The following SPATS2L variants were observed in gnomAD, a reference collection of about 807,000 sequenced individuals.
SPATS2L encodes the protein spermatogenesis associated serine rich 2 like.
Under a neutral mutation model 59.6 loss-of-function variants are expected in SPATS2L, and 30 were observed. The observed-to-expected ratio is 0.50, with a 90% CI of 0.38 to 0.68. SPATS2L has a LOEUF of 0.68. Ranked by LOEUF, SPATS2L falls within the 30% of genes least tolerant of loss-of-function variation. The pLI is 0.00. For synonymous variants in SPATS2L, 252 were observed against 263.5 expected, an observed-to-expected ratio of 0.96 and a Z score of 0.42; for missense variants, 615 against 700.0, an observed-to-expected ratio of 0.88 and a Z score of 1.37.
At chr2:200,451,722 T>A (rs184342952) in intron 8 of SPATS2L, among the ~76,000 whole-genome samples, 151 of 152,288 alleles carry the variant, frequency 9.9e-4, no homozygotes, top group African/African-American at 3.6e-3. Flanking sequence ...TTCTGGCACT[T>A]CTTGTACTAT....
chr2:200,378,628 GTT>G, intron 2 of SPATS2L, among the ~76,000 whole-genome samples: 1 of 152,326 alleles, frequency 6.6e-6, no homozygotes, highest in African/African-American at 2.4e-5. Context: ...ATTATTAAAT[GTT>G]TACTAGGAGT....
At position 200,419,561 on chromosome 2, in the gene SPATS2L, T is replaced by C. The variant is rs201180713; in HGVS notation, c.445+65T>C. The C allele has an allele frequency of 2.2e-5, 35 of 1,560,506 alleles. No individual in the cohort carries two copies. The East Asian group carries it at 4.3e-4, about 19-fold the overall frequency. ...ATGAAAAGAGCACAAAGGGAGCTCA[T>C]TGGGGCTGCTGTTGATGTTGTTGAA... On this transcript the variant is annotated intron_variant, in intron 6 of 12. Transcript: ENST00000409140.
chr2:200,393,514 T>C (rs1485847743), intron 3 of SPATS2L, among the ~76,000 whole-genome samples: 2 of 152,206 alleles, frequency 1.3e-5, no homozygotes, highest in African/African-American at 4.8e-5. Flanking sequence ...GTTGGCACTA[T>C]TTTGAAAGAG....
chr2:200,306,741 C>T lies in SPATS2L; in HGVS notation c.-254C>T. 1.0e-6 allele frequency: 1 copy of T among 953,918 alleles called. No individual in the cohort carries two copies. The highest frequency in any genetic ancestry group is 5.1e-5 in the South Asian group (1 of 19,524). The allele number at this position is 953,918 out of a possible 1,614,324, so 59.1% of individuals were successfully genotyped here. On this transcript the variant is annotated 5_prime_UTR_variant, in exon 1 of 13. Transcript: ENST00000409140. ...GTCCGGGGGCCGAGCTGGCTGCGCC[C>T]TCCGCTGCAAGCGCCGGCAGCGCGG...
chr2:200,371,551 A>T (rs1486235350), intron 2 of SPATS2L, among the ~76,000 whole-genome samples: 8 of 152,176 alleles, frequency 5.3e-5, no homozygotes, highest in Admixed American at 1.3e-4. Context: ...TGACTGCGGG[A>T]TTAACTTACA....
At chr2:200,306,352 A>G (rs2079010088), upstream of SPATS2L, 5 of 1,002,200 alleles carry the variant, frequency 5.0e-6, no homozygotes, top group South Asian at 1.9e-4. Context: ...TTCATTAACA[A>G]GGGGAGTTTC....
At chr2:200,425,239 C>G (rs2083500397) in intron 6 of SPATS2L, among the ~76,000 whole-genome samples, 1 of 150,456 alleles carries the variant, frequency 6.6e-6, no homozygotes, top group South Asian at 2.1e-4. Flanking sequence ...GTTGTTCAAG[C>G]AGATTTTTTT....
chr2:200,454,379 A>G (rs1399832649), intron 8 of SPATS2L, among the ~76,000 whole-genome samples: 2 of 152,190 alleles, frequency 1.3e-5, no homozygotes, highest in Non-Finnish European at 2.9e-5. Context: ...CCAAGCTTCC[A>G]AATGAATCAA....
chr2:200,361,059 A>C (rs954219034), intron 2 of SPATS2L, among the ~76,000 whole-genome samples: 42 of 135,974 alleles, frequency 3.1e-4, no homozygotes, highest in South Asian at 5.1e-4. Context: ...TTCTAGCTCC[A>C]CCCCACTATT....
At chr2:200,356,260 G>T (rs533744372) in intron 2 of SPATS2L, among the ~76,000 whole-genome samples, 16 of 152,246 alleles carry the variant, frequency 1.1e-4, no homozygotes, top group Non-Finnish European at 1.9e-4. Flanking sequence ...AACTGAAAAT[G>T]ATAAACATGC....
In SPATS2L at chr2:200,361,088, CA is replaced by C. The variant is rs1384614489; in HGVS notation, c.-22-28134del. The stretch of plus-strand genomic sequence containing the variant: ...CACTATTCCCCACCCCACCCCCCCA[CA>C]CACACACATCCCTACACAGATACAC... On this transcript the variant is annotated intron_variant, in intron 2 of 12. Coordinates refer to ENST00000409140, the MANE Select transcript of SPATS2L (RefSeq NM_001100423.2). Among the ~76,000 whole-genome samples the C allele has an allele frequency of 2.4e-4, 22 of 93,158 alleles. No individual in the cohort carries two copies. In the African/African-American group the frequency reaches 2.5e-3, roughly 10 times the overall value. 61.1% of individuals were successfully genotyped at this position (93,158 alleles called of 152,430 possible).
Position 200,316,148 on chromosome 2 carries a change from G to T in SPATS2L, c.-73+9226G>T, listed in dbSNP as rs139969747. Among the ~76,000 whole-genome samples the T allele has an allele frequency of 2.7e-4, 41 of 152,242 alleles. No individual in the cohort carries two copies. In the East Asian group the frequency reaches 7.1e-3, roughly 27 times the overall value. ...AGGAAGGGGAACCCTCCTGGAAGAG[G>T]TGATGGGAAGAAACTGTGACTATAA... On this transcript the variant is annotated intron_variant, in intron 1 of 12. Transcript: ENST00000409140.
intron 3 of SPATS2L, among the ~76,000 whole-genome samples, chr2:200,405,835 C>T (rs1004660229): frequency 4.6e-5 from 7 of 152,170 alleles, no homozygotes; most frequent in Admixed American, 3.9e-4. Flanking sequence ...AGGTTAAGCT[C>T]ACCTCCAAGA....
At chr2:200,358,422 G>C (rs530863879) in intron 2 of SPATS2L, among the ~76,000 whole-genome samples, 2 of 152,222 alleles carry the variant, frequency 1.3e-5, no homozygotes, top group South Asian at 4.1e-4. Context: ...AATTATCTTA[G>C]AGCTAAATTC....
chr2:200,423,708 C>T (rs956372288), intron 6 of SPATS2L, among the ~76,000 whole-genome samples: 2 of 152,180 alleles, frequency 1.3e-5, no homozygotes, highest in Non-Finnish European at 2.9e-5. Context: ...TAAAAGAAAT[C>T]GCCAGGCTAC....
At position 200,341,622 on chromosome 2, in the gene SPATS2L, C is replaced by A. The variant is rs545890004; in HGVS notation, c.-23+12142C>A. ...AACCACAGGAAGACCTCAGGTTTCA[C>A]AATGAAAGGGATCCTTTCCAAAATG... On this transcript the variant is annotated intron_variant, in intron 2 of 12. Transcript: ENST00000409140. Among the ~76,000 whole-genome samples, 4 of 150,976 alleles carry A rather than the reference C, an allele frequency of 2.6e-5. No individual in the cohort carries two copies. In the East Asian group the frequency reaches 5.8e-4, roughly 22 times the overall value.
rs1415018289 is a variant in SPATS2L at position 200,398,703 on chromosome 2, T to G, written c.39+9420T>G. ...GATGAACTCCAAAATCCTTTGCAGC[T>G]CTATCATTGGATGAACCTGTGGTCT... On this transcript the variant is annotated intron_variant, in intron 3 of 12. Coordinates refer to ENST00000409140, the MANE Select transcript of SPATS2L (RefSeq NM_001100423.2). Among the ~76,000 whole-genome samples, 9 of 152,158 alleles carry G rather than the reference T, an allele frequency of 5.9e-5. 1 individual carries two copies. Among genetic ancestry groups the G allele is most frequent in the Admixed American group, 5.9e-4 (9 of 15,284 alleles).
chr2:200,377,794 A>G (rs1474500715), intron 2 of SPATS2L, among the ~76,000 whole-genome samples: 1 of 152,190 alleles, frequency 6.6e-6, no homozygotes, highest in Admixed American at 6.5e-5. Context: ...GATGTTTTCA[A>G]TTAGGTGTAG....
chr2:200,457,811 C>G (rs1487874733), intron 8 of SPATS2L, among the ~76,000 whole-genome samples: 2 of 152,184 alleles, frequency 1.3e-5, no homozygotes, highest in African/African-American at 4.8e-5. Flanking sequence ...TGAGGAGCCC[C>G]TAAACTGCTA....
Sources: gnomAD v4.1 joint callset for allele counts (sites outside exome capture counted in the v4.1 genomes callset) on GRCh38, gnomAD v4.1.1 for gene constraint, MANE v1.5 for transcripts, NCBI Gene and HGNC (gene_info 2026-07-23, HGNC 2026-07-21) for gene names.